Variants in FMNL2 observed in about 807,000 individuals in gnomAD.
FMNL2 encodes formin like 2.
In FMNL2, 51 loss-of-function variants were observed where a neutral mutation model predicts 130.2. The observed-to-expected ratio is 0.39, with a 90% CI of 0.31 to 0.49. The LOEUF (loss-of-function observed/expected upper bound fraction) is 0.49. Among genes scored for constraint, FMNL2 ranks in the 20% least tolerant of loss-of-function variants. The pLI is 0.85. For missense variants in FMNL2, 977 were observed against 1,316.2 expected, an observed-to-expected ratio of 0.74 and a Z score of 3.99; for synonymous variants, 465 against 467.1, an observed-to-expected ratio of 1.00 and a Z score of 0.06.
chr2:152,497,244 A>G (rs187454211), intron 1 of FMNL2, among the ~76,000 whole-genome samples: 22 of 152,322 alleles, frequency 1.4e-4, no homozygotes, highest in African/African-American at 4.8e-4. Flanking sequence ...AGCTACACAC[A>G]TAGTAGTTTT....
chr2:152,545,444 A>G lies in FMNL2; in HGVS notation c.282+2625A>G, dbSNP rs147801575. ...TAAAAAAAAATTTTAAGCATTTTCT[A>G]TTTAGATTTTCTTCTAAATAGTTTT... On this transcript the variant is annotated intron_variant, in intron 3 of 25. Transcript: ENST00000288670. Among the ~76,000 whole-genome samples, 749 of 152,300 alleles carry G rather than the reference A, an allele frequency of 4.9e-3. 5 individuals are homozygous for G. Among genetic ancestry groups the G allele is most frequent in the African/African-American group, 0.017 (724 of 41,564 alleles).
chr2:152,633,747 T>C (rs942653302), intron 21 of FMNL2, among the ~76,000 whole-genome samples: 2 of 152,204 alleles, frequency 1.3e-5, no homozygotes, highest in African/African-American at 2.4e-5. Context: ...TTAAGAAAAA[T>C]GTTAAAAAGC....
In FMNL2 at chr2:152,517,164, AT is replaced by A. The variant is rs1440086032; in HGVS notation, c.118-4772del. Among the ~76,000 whole-genome samples, 8 of 141,798 alleles carry A rather than the reference AT, an allele frequency of 5.6e-5. No individual in the cohort carries two copies. In the East Asian group the frequency reaches 1.6e-3, roughly 29 times the overall value. The allele number at this position is 141,798 out of a possible 152,430, so 93.0% of individuals were successfully genotyped here. ...CAGGAAAATATTGCTAGAATTGAAG[AT>A]TTTTTTCCCCCGTGAGTTTTTTTTG... is the stretch of plus-strand genomic sequence containing the variant. On this transcript the variant is annotated intron_variant, in intron 1 of 25. Coordinates refer to ENST00000288670, the MANE Select transcript of FMNL2 (RefSeq NM_052905.4).
chr2:152,340,918 C>G (rs1681762092), intron 1 of FMNL2, among the ~76,000 whole-genome samples: 1 of 152,142 alleles, frequency 6.6e-6, no homozygotes, highest in African/African-American at 2.4e-5. Flanking sequence ...TCTTGAACTC[C>G]TGACCTCGTG....
At chr2:152,643,340 C>G (rs1683257902) in intron 25 of FMNL2, 1 of 1,523,344 alleles carries the variant, frequency 6.6e-7, no homozygotes, top group African/African-American at 1.4e-5. Context: ...TAACAATGCA[C>G]TAACCATGTA....
intron 1 of FMNL2, among the ~76,000 whole-genome samples, chr2:152,346,326 A>G (rs1305069991): frequency 1.3e-5 from 2 of 152,052 alleles, no homozygotes; most frequent in African/African-American, 2.4e-5. Flanking sequence ...CACCTGGCCT[A>G]TACTTTTATT....
intron 7 of FMNL2, among the ~76,000 whole-genome samples, chr2:152,577,225 G>T (rs1041424565): frequency 1.3e-5 from 2 of 152,138 alleles, no homozygotes; most frequent in Non-Finnish European, 2.9e-5. Flanking sequence ...GGATATGAGG[G>T]AGAAGGTGAG....
chr2:152,540,034 G>A (rs976576426), intron 2 of FMNL2, among the ~76,000 whole-genome samples: 3 of 152,146 alleles, frequency 2.0e-5, no homozygotes, highest in African/African-American at 7.2e-5. Flanking sequence ...AGGCTGCAGT[G>A]AGCTGTGATT....
Position 152,391,990 on chromosome 2 carries a change from A to T in FMNL2, c.117+56270A>T, listed in dbSNP as rs573239624. Among the ~76,000 whole-genome samples the T allele has an allele frequency of 8.8e-5, 13 of 147,612 alleles. 1 individual carries two copies. In the Admixed American group the frequency reaches 8.8e-4, roughly 10 times the overall value. ...TATTCACATCCTTATTCACATGCCAACTCCTTGATTCATTTGCAAGATTGC... is the reference window on the plus strand; with the variant it reads ...TATTCACATCCTTATTCACATGCCATCTCCTTGATTCATTTGCAAGATTGC... On this transcript the variant is annotated intron_variant, in intron 1 of 25. Coordinates refer to ENST00000288670, the MANE Select transcript of FMNL2 (RefSeq NM_052905.4).
intron 1 of FMNL2, chr2:152,390,171 C>T (rs1685023982): frequency 7.8e-7 from 1 of 1,282,540 alleles, no homozygotes; most frequent in African/African-American, 1.5e-5. Context: ...GACCCAGAGC[C>T]TGTCGGAGCT....
rs189638951 is a variant in FMNL2, at chr2:152,610,769, G to A, written c.952-726G>A. On this transcript the variant is annotated intron_variant, in intron 10 of 25. Transcript: ENST00000288670. ...AACATCTGTGTAAAGATTTTTATGT[G>A]GACGTATATTTTCATTTCTCTTAAC... Among the ~76,000 whole-genome samples the A allele has an allele frequency of 2.2e-3, 332 of 152,274 alleles. 4 individuals are homozygous for A. Among genetic ancestry groups the A allele is most frequent in the African/African-American group, 7.8e-3 (324 of 41,548 alleles).
intron 10 of FMNL2, among the ~76,000 whole-genome samples, chr2:152,608,834 C>T (rs1444022652): frequency 6.6e-6 from 1 of 152,042 alleles, no homozygotes; most frequent in Non-Finnish European, 1.5e-5. Flanking sequence ...CTTATGAGTT[C>T]AGTCTGACAG....
intron 1 of FMNL2, among the ~76,000 whole-genome samples, chr2:152,399,159 G>A (rs998765588): frequency 3.3e-5 from 5 of 152,216 alleles, no homozygotes; most frequent in Non-Finnish European, 5.9e-5. Context: ...ACCTGAGGTC[G>A]GGTTTGAGAG....
At chr2:152,545,254 A>C (rs981977063) in intron 3 of FMNL2, among the ~76,000 whole-genome samples, 21 of 152,192 alleles carry the variant, frequency 1.4e-4, no homozygotes, top group African/African-American at 4.8e-4. Context: ...TAAAATTCTC[A>C]GCTGTATTAT....
At chr2:152,647,485 A>G (rs1366485197) in intron 25 of FMNL2, among the ~76,000 whole-genome samples, 5 of 152,230 alleles carry the variant, frequency 3.3e-5, no homozygotes, top group African/African-American at 1.2e-4. Context: ...AAATTAAGCT[A>G]CAGCTGCTTC....
chr2:152,467,412 T>G (rs530116109), intron 1 of FMNL2, among the ~76,000 whole-genome samples: 3 of 152,324 alleles, frequency 2.0e-5, no homozygotes, highest in East Asian at 3.9e-4. Context: ...GAATCTTGCT[T>G]GTCCCGTTTG....
At chr2:152,418,894 G>A (rs913424612) in intron 1 of FMNL2, among the ~76,000 whole-genome samples, 4 of 151,686 alleles carry the variant, frequency 2.6e-5, no homozygotes, top group Non-Finnish European at 4.4e-5. Context: ...CTGTTTCCAC[G>A]GTGTCTGCTG....
chr2:152,509,737 CTTTTT>C (rs138976882), intron 1 of FMNL2, among the ~76,000 whole-genome samples: 35 of 58,676 alleles, frequency 6.0e-4, no homozygotes, highest in African/African-American at 1.1e-3. Context: ...TACTCTGGAC[CTTTTT>C]TTTTTTTTTT....
chr2:152,636,740 A>G (rs1682644375), intron 22 of FMNL2, 150 bp downstream of exon 22: 11 of 1,001,092 alleles, frequency 1.1e-5, no homozygotes, highest in Middle Eastern at 3.3e-4. Context: ...TTACGGGGGG[A>G]CCATTCCCAG....
Sources: gnomAD v4.1 joint callset for allele counts (sites outside exome capture counted in the v4.1 genomes callset) on GRCh38, gnomAD v4.1.1 for gene constraint, MANE v1.5 for transcripts, NCBI Gene and HGNC (gene_info 2026-07-23, HGNC 2026-07-21) for gene names.